The following MGARP variants were observed in gnomAD, a reference collection of about 807,000 sequenced individuals.
MGARP encodes mitochondria localized glutamic acid rich protein.
MGARP carries 12 observed loss-of-function variants against 11.0 expected under a neutral mutation model. That is an observed-to-expected ratio of 1.09 (90% CI 0.70 to 1.77). The LOEUF (loss-of-function observed/expected upper bound fraction) is 1.77, where lower values mean the gene tolerates loss of function less well. Among genes scored for constraint, MGARP ranks in the 40% most tolerant of loss-of-function variants. The pLI, the probability that MGARP is intolerant of heterozygous loss-of-function variation, is 0.00. For missense variants in MGARP, 283 were observed against 297.8 expected, an observed-to-expected ratio of 0.95 and a Z score of 0.36; for synonymous variants, 110 against 115.4, an observed-to-expected ratio of 0.95 and a Z score of 0.30.
intron 1 of MGARP, among the ~76,000 whole-genome samples, chr4:139,279,793 A>C (rs1264441253): frequency 6.6e-6 from 1 of 152,214 alleles, no homozygotes; most frequent in Non-Finnish European, 1.5e-5. Context: ...CATCGCCCTC[A>C]TTTTATAGAT....
chr4:139,278,639 C>T (rs895841220), intron 1 of MGARP, among the ~76,000 whole-genome samples: 1 of 152,018 alleles, frequency 6.6e-6, no homozygotes, highest in Non-Finnish European at 1.5e-5. Context: ...CGGTGGGGAA[C>T]GCAGACAGAT....
chr4:139,274,194 A>G lies in MGARP; in HGVS notation c.186+1095T>C, dbSNP rs566246784. ...TTTTAGGGTGATGAAACGACTCTGT[A>G]TGATACTATAATTTATTCTGGATGA... On this transcript the variant is annotated intron_variant, in intron 2 of 3. Coordinates refer to ENST00000398955, the MANE Select transcript of MGARP (RefSeq NM_032623.4). Among the ~76,000 whole-genome samples, 23 of 152,324 alleles carry G rather than the reference A, an allele frequency of 1.5e-4. No homozygotes were observed. The South Asian group carries it at 4.6e-3, about 30-fold the overall frequency.
At chr4:139,268,606 A>C in intron 3 of MGARP, 66 bp downstream of exon 3, 1 of 1,119,338 alleles carries the variant, frequency 8.9e-7, no homozygotes, top group Non-Finnish European at 1.3e-6. Context: ...TCATTGCTAG[A>C]CTAAGTGGAT....
intron 1 of MGARP, among the ~76,000 whole-genome samples, chr4:139,278,271 AAATGTGATG>A (rs1388623975): frequency 6.6e-6 from 1 of 152,178 alleles, no homozygotes; most frequent in Non-Finnish European, 1.5e-5. Context: ...GGAGAGAACA[AAATGTGATG>A]AGACACAGTT....
chr4:139,268,593 T>C, intron 3 of MGARP, 79 bp downstream of exon 3: 2 of 921,462 alleles, frequency 2.2e-6, no homozygotes, highest in South Asian at 1.8e-5. Flanking sequence ...AAGCAAATAG[T>C]GTTCATTGCT....
intron 2 of MGARP, among the ~76,000 whole-genome samples, chr4:139,272,623 C>T (rs967489059): frequency 6.7e-6 from 1 of 149,666 alleles, no homozygotes; most frequent in African/African-American, 2.5e-5. Context: ...TTTGGTTTGG[C>T]CATCTTACAT....
At chr4:139,269,554 C>T (rs1173938997) in intron 2 of MGARP, among the ~76,000 whole-genome samples, 1 of 150,906 alleles carries the variant, frequency 6.6e-6, no homozygotes, top group African/African-American at 2.4e-5. Flanking sequence ...TTGCTTGAAC[C>T]CAGGAGGTGG....
At chr4:139,273,833 G>T (rs1399099520) in intron 2 of MGARP, among the ~76,000 whole-genome samples, 1 of 152,000 alleles carries the variant, frequency 6.6e-6, no homozygotes, top group African/African-American at 2.4e-5. Flanking sequence ...TCTTAATAAA[G>T]ATTATATTTT....
At chr4:139,272,741 C>T (rs187378903) in intron 2 of MGARP, among the ~76,000 whole-genome samples, 1 of 133,872 alleles carries the variant, frequency 7.5e-6, no homozygotes, top group East Asian at 2.2e-4. Context: ...AGGCTGAGTG[C>T]AGTGGTGCAA....
rs1207734621 is a variant in MGARP, at chr4:139,275,379, C to T, written c.96G>A (p.Arg32=). 2 of 1,613,690 alleles carry T rather than the reference C, an allele frequency of 1.2e-6. No homozygotes were observed. Among genetic ancestry groups the T allele is most frequent in the Non-Finnish European group, 1.7e-6 (2 of 1,179,836 alleles). Residue 32 remains arginine (R), a synonymous_variant, in exon 2 of 4, where the codon CGG becomes CGA. Transcript: ENST00000398955. ...APLGKDASLR[R]MSSNRFPGSS... ...ATCCAGGGAATCTGTTAGATGACAT[C>T]CGGCGCAGAGATGCTAGGAAAAAAA...
At chr4:139,274,783 C>A (rs1186542006) in intron 2 of MGARP, among the ~76,000 whole-genome samples, 1 of 152,054 alleles carries the variant, frequency 6.6e-6, no homozygotes, top group African/African-American at 2.4e-5. Flanking sequence ...GCACCCAGCT[C>A]CTATATTAAT....
chr4:139,266,370 T>C lies in MGARP; in HGVS notation c.*229A>G. On this transcript the variant is annotated 3_prime_UTR_variant, in exon 4 of 4. Coordinates refer to ENST00000398955, the MANE Select transcript of MGARP (RefSeq NM_032623.4). ...CCAAAGATGAAACTATTTAAGCTCT[T>C]TACTGCAATGTCATATTCTGATCTC... The C allele has an allele frequency of 8.7e-6, 4 of 461,256 alleles. No individual in the cohort carries two copies. The highest frequency in any genetic ancestry group is 1.5e-5 in the Non-Finnish European group (4 of 262,504). 28.6% of individuals were successfully genotyped at this position (461,256 alleles called of 1,614,324 possible).
chr4:139,267,868 T>A (rs1457426866), intron 3 of MGARP, among the ~76,000 whole-genome samples: 1 of 152,118 alleles, frequency 6.6e-6, no homozygotes, highest in African/African-American at 2.4e-5. Context: ...ATCCCAGCAC[T>A]TTGGGAGGCT....
chr4:139,278,201 T>G (rs1215341410), intron 1 of MGARP, among the ~76,000 whole-genome samples: 2 of 152,180 alleles, frequency 1.3e-5, no homozygotes, highest in Non-Finnish European at 2.9e-5. Flanking sequence ...CACTCCAGCC[T>G]GAGCAACAAG....
At chr4:139,273,510 CTTTTTTT>C (rs1000327890) in intron 2 of MGARP, among the ~76,000 whole-genome samples, 9 of 123,662 alleles carry the variant, frequency 7.3e-5, no homozygotes, top group African/African-American at 2.4e-4. Flanking sequence ...TACTTTTATT[CTTTTTTT>C]TTTTTTTTTT....
chr4:139,280,004 C>T, intron 1 of MGARP, 73 bp downstream of exon 1: 1 of 1,533,668 alleles, frequency 6.5e-7, no homozygotes, highest in Non-Finnish European at 8.9e-7. Context: ...GGGTGCCGGC[C>T]GGTTCCCTGG....
chr4:139,280,072 C>T lies in MGARP; in HGVS notation c.82+5G>A. 1.2e-6 allele frequency: 2 copies of T among 1,612,092 alleles called. No homozygotes were observed. Among genetic ancestry groups the T allele is most frequent in the Non-Finnish European group, 1.7e-6 (2 of 1,179,678 alleles). Reference sequence around the variant, plus strand: ...CTCCTCTCCGGGCTAGACCTCCTTACTCACCGTCCTTTCCGAGCGGCGCGG... The same window carrying T: ...CTCCTCTCCGGGCTAGACCTCCTTATTCACCGTCCTTTCCGAGCGGCGCGG... On this transcript the variant is annotated splice_donor_5th_base_variant and intron_variant, in intron 1 of 3. Transcript: ENST00000398955.
intron 1 of MGARP, among the ~76,000 whole-genome samples, chr4:139,276,234 A>T (rs1201558430): frequency 1.3e-5 from 2 of 152,180 alleles, no homozygotes; most frequent in Non-Finnish European, 2.9e-5. Flanking sequence ...CGTATTTGGA[A>T]TTGTTAGAAG....
Position 139,266,533 on chromosome 4 carries a change from A to G in MGARP, c.*66T>C. 4 of 1,409,194 alleles carry G rather than the reference A, an allele frequency of 2.8e-6. No homozygotes were observed. The highest frequency in any genetic ancestry group is 2.7e-5 in the South Asian group (2 of 73,348). 87.3% of individuals were successfully genotyped at this position (1,409,194 alleles called of 1,614,324 possible). A position where few individuals can be genotyped will look rare whatever the true frequency, so the allele number is the denominator to read the frequency against. On this transcript the variant is annotated 3_prime_UTR_variant, in exon 4 of 4. Transcript: ENST00000398955. Reference sequence around the variant, plus strand: ...TTTTTTTTTTTAAACTAAGTGTACTAAAAACACAAAAGCACTTATCAGACA... The same window carrying G: ...TTTTTTTTTTTAAACTAAGTGTACTGAAAACACAAAAGCACTTATCAGACA...
Sources: allele counts gnomAD v4.1 joint callset (sites outside exome capture counted in the v4.1 genomes callset), GRCh38; gene constraint gnomAD v4.1.1; transcripts MANE v1.5; gene names NCBI Gene and HGNC (gene_info 2026-07-23, HGNC 2026-07-21).